IGSF11: variants seen among roughly 807,000 people sequenced by gnomAD.
IGSF11 encodes the protein immunoglobulin superfamily member 11, also known as CXADR like 1.
A neutral mutation model predicts 41.0 loss-of-function variants in IGSF11; 22 were observed. That is an observed-to-expected ratio of 0.54 (90% CI 0.38 to 0.77). The LOEUF (loss-of-function observed/expected upper bound fraction) is 0.77, where lower values mean the gene tolerates loss of function less well. Ranked by LOEUF, IGSF11 falls within the 30% of genes least tolerant of loss-of-function variation. The pLI, the probability that IGSF11 is intolerant of heterozygous loss-of-function variation, is 0.00. For synonymous variants in IGSF11, 219 were observed against 201.3 expected, an observed-to-expected ratio of 1.09 and a Z score of -0.74; for missense variants, 444 against 530.8, an observed-to-expected ratio of 0.84 and a Z score of 1.61.
intron 1 of IGSF11, among the ~76,000 whole-genome samples, chr3:119,064,138 A>G (rs1197062033): frequency 6.6e-6 from 1 of 152,234 alleles, no homozygotes; most frequent in Non-Finnish European, 1.5e-5. Context: ...ATCAGAGACT[A>G]CAACAAAGTC....
intron 1 of IGSF11, among the ~76,000 whole-genome samples, chr3:118,999,442 T>C (rs75622913): frequency 0.026 from 4,005 of 152,288 alleles, 145 homozygotes; most frequent in African/African-American, 0.091. Flanking sequence ...TTGAGTAATA[T>C]GACATATAAA....
chr3:118,938,999 C>T (rs541951960), intron 1 of IGSF11, among the ~76,000 whole-genome samples: 53 of 152,248 alleles, frequency 3.5e-4, no homozygotes, highest in African/African-American at 1.1e-3. Context: ...TTGGTGACTG[C>T]AACACGTCTC....
rs957960874 is a variant in IGSF11, at chr3:118,999,109, T to TA, written c.52+35421dup. ...GTAATATAACTCTAGAATTATACTT[T>TA]AAAAAAAAAATCTGACAATACTAAT... On this transcript the variant is annotated intron_variant, in intron 1 of 6. Coordinates refer to ENST00000393775, the MANE Select transcript of IGSF11 (RefSeq NM_001015887.3). Among the ~76,000 whole-genome samples the TA allele has an allele frequency of 4.8e-4, 72 of 149,596 alleles. 1 individual carries two copies. The highest frequency in any genetic ancestry group is 3.6e-4 in the Non-Finnish European group (24 of 67,116).
chr3:119,076,342 T>C (rs1314068105), intron 1 of IGSF11, among the ~76,000 whole-genome samples: 3 of 152,202 alleles, frequency 2.0e-5, no homozygotes, highest in Admixed American at 6.5e-5. Flanking sequence ...ATTTAGGACA[T>C]AGGCATGGGC....
chr3:119,034,505 G>C, intron 1 of IGSF11, 26 bp downstream of exon 1: 2 of 1,543,816 alleles, frequency 1.3e-6, no homozygotes, highest in African/African-American at 2.8e-5. Context: ...TGGCCCCACC[G>C]GGAAGAAAGG....
intron 1 of IGSF11, among the ~76,000 whole-genome samples, chr3:118,950,659 AT>A (rs781711244): frequency 2.0e-5 from 3 of 151,994 alleles, no homozygotes; most frequent in Non-Finnish European, 4.4e-5. Context: ...CATTATAATA[AT>A]GTATAAATGA....
chr3:118,950,271 C>T (rs1944477380), intron 1 of IGSF11, among the ~76,000 whole-genome samples: 1 of 152,170 alleles, frequency 6.6e-6, no homozygotes, highest in Admixed American at 6.5e-5. Context: ...GGGATCTGAT[C>T]CGTTATATCA....
intron 1 of IGSF11, among the ~76,000 whole-genome samples, chr3:119,044,518 C>A (rs1941243220): frequency 6.6e-6 from 1 of 152,156 alleles, no homozygotes; most frequent in Non-Finnish European, 1.5e-5. Flanking sequence ...CTTCCCTGGT[C>A]TTGCTAGAGA....
At chr3:119,047,770 A>G (rs974051077) in intron 1 of IGSF11, among the ~76,000 whole-genome samples, 17 of 152,146 alleles carry the variant, frequency 1.1e-4, no homozygotes, top group South Asian at 2.1e-4. Flanking sequence ...CAGCAAATGT[A>G]AAAGAACAGA....
chr3:118,983,306 ATAAGT>A (rs1003266286), intron 1 of IGSF11: 14 of 152,226 alleles, frequency 9.2e-5, no homozygotes, highest in African/African-American at 2.4e-4. Flanking sequence ...TGAGGTTCAA[ATAAGT>A]TAAGTAACTT....
intron 1 of IGSF11, among the ~76,000 whole-genome samples, chr3:119,116,694 G>A (rs1186620910): frequency 6.6e-6 from 1 of 152,194 alleles, no homozygotes; most frequent in African/African-American, 2.4e-5. Context: ...CCTGAGTCCT[G>A]CTAAGGTGCA....
At chr3:119,021,884 A>G (rs1005266237) in intron 1 of IGSF11, among the ~76,000 whole-genome samples, 1 of 152,210 alleles carries the variant, frequency 6.6e-6, no homozygotes, top group Non-Finnish European at 1.5e-5. Context: ...GAGAAAGTAA[A>G]AAAGCAAGTC....
Position 118,950,541 on chromosome 3 carries a change from G to GA in IGSF11, c.53-20267dup, listed in dbSNP as rs986875878. ...CACTGATGTATTTCTCCTAGTGGGT[G>GA]AAAAAAATACACACACGCAAACATA... On this transcript the variant is annotated intron_variant, in intron 1 of 6. Transcript: ENST00000393775. Among the ~76,000 whole-genome samples, 77 of 151,798 alleles carry GA rather than the reference G, an allele frequency of 5.1e-4. 1 individual carries two copies. The highest frequency in any genetic ancestry group is 1.8e-3 in the African/African-American group (75 of 41,386).
intron 6 of IGSF11, 76 bp downstream of exon 6, chr3:118,904,572 A>AT (rs1939342653): frequency 9.4e-7 from 1 of 1,058,580 alleles, no homozygotes. Context: ...ATTAGTAGAT[A>AT]TATCTTAACT....
chr3:119,133,753 A>T (rs1268917516), intron 1 of IGSF11, among the ~76,000 whole-genome samples: 1 of 152,190 alleles, frequency 6.6e-6, no homozygotes, highest in Non-Finnish European at 1.5e-5. Context: ...AAAAGCCTGG[A>T]AGAGACTCAA....
chr3:119,035,330 G>A (rs1265440834), upstream of IGSF11, among the ~76,000 whole-genome samples: 1 of 152,192 alleles, frequency 6.6e-6, no homozygotes, highest in South Asian at 2.1e-4. Context: ...GACTCTGGCA[G>A]AATTAGGAAT....
chr3:119,038,396 A>C (rs1246508848), upstream of IGSF11, among the ~76,000 whole-genome samples: 3 of 152,198 alleles, frequency 2.0e-5, no homozygotes, highest in Admixed American at 6.5e-5. Flanking sequence ...ACAAGGAGCT[A>C]AACAGCAATA....
intron 1 of IGSF11, among the ~76,000 whole-genome samples, chr3:118,954,252 T>G (rs1944795439): frequency 6.6e-6 from 1 of 152,122 alleles, no homozygotes; most frequent in African/African-American, 2.4e-5. Context: ...CTATTCTGTT[T>G]CATTGGTCCA....
chr3:119,139,050 C>G (rs1258663272), intron 1 of IGSF11, among the ~76,000 whole-genome samples: 1 of 152,060 alleles, frequency 6.6e-6, no homozygotes, highest in Admixed American at 6.6e-5. Context: ...AAGATAAATG[C>G]TTGAGGTGAC....
Sources: allele counts gnomAD v4.1 joint callset (sites outside exome capture counted in the v4.1 genomes callset), GRCh38; gene constraint gnomAD v4.1.1; transcripts MANE v1.5; gene names NCBI Gene and HGNC (gene_info 2026-07-23, HGNC 2026-07-21).